SNX24: variants seen among roughly 807,000 people sequenced by gnomAD.
The protein encoded by SNX24 is sorting nexin-24.
In SNX24, 22 loss-of-function variants were observed where a neutral mutation model predicts 28.7. That is an observed-to-expected ratio of 0.77 (90% CI 0.55 to 1.10). The LOEUF (loss-of-function observed/expected upper bound fraction) is 1.10, where lower values mean the gene tolerates loss of function less well. Ranked by LOEUF, SNX24 falls within the 50% of genes least tolerant of loss-of-function variation. The pLI, the probability that SNX24 is intolerant of heterozygous loss-of-function variation, is 0.00. For missense variants in SNX24, 221 were observed against 201.1 expected (o/e 1.10, Z -0.60); for synonymous variants, 69 against 71.5 (o/e 0.96, Z 0.18).
At chr5:122,972,110 A>G (rs1182337193) in intron 3 of SNX24, among the ~76,000 whole-genome samples, 1 of 152,186 alleles carries the variant, frequency 6.6e-6, no homozygotes, top group Non-Finnish European at 1.5e-5. Flanking sequence ...ACCCCAACCA[A>G]CACTGTAACT....
chr5:122,999,989 A>G lies in SNX24; in HGVS notation c.327A>G (p.Pro109=). 6.2e-7 allele frequency: 1 copy of G among 1,607,068 alleles called. No homozygotes were observed. Among genetic ancestry groups the G allele is most frequent in the East Asian group, 2.2e-5 (1 of 44,856 alleles). The part of the protein sequence containing the change: ...FLNVRHLPSL[P]KAESCGSFDE... ...ATGTGCGACACTTGCCCTCTCTACC[A>G]AAGGCAGAAAGTTGTGGGTAAGAAT... The change falls in exon 4 of 7, where the codon CCA becomes CCG. Residue 109 remains proline (P), a synonymous_variant. Coordinates refer to ENST00000261369, the MANE Select transcript of SNX24 (RefSeq NM_014035.4).
At chr5:122,849,131 T>TA (rs1213763793) in intron 1 of SNX24, among the ~76,000 whole-genome samples, 1 of 152,244 alleles carries the variant, frequency 6.6e-6, no homozygotes, top group African/African-American at 2.4e-5. Context: ...CTAGAAGTGG[T>TA]ATTTCCAGCC....
intron 1 of SNX24, among the ~76,000 whole-genome samples, chr5:122,873,857 C>T (rs1450728961): frequency 1.3e-5 from 2 of 151,690 alleles, no homozygotes; most frequent in Non-Finnish European, 2.9e-5. Context: ...CTTCCACCTC[C>T]CAAGTTCAAG....
At chr5:122,900,267 G>T (rs1040473642) in intron 1 of SNX24, among the ~76,000 whole-genome samples, 2 of 151,900 alleles carry the variant, frequency 1.3e-5, no homozygotes, top group Admixed American at 6.6e-5. Context: ...AGTGTGAAAT[G>T]ATTACCACAA....
chr5:123,017,755 C>G (rs562442910), intron 5 of SNX24, among the ~76,000 whole-genome samples: 1 of 152,028 alleles, frequency 6.6e-6, no homozygotes, highest in African/African-American at 2.4e-5. Context: ...GGAGAGTTTC[C>G]CTGCATCAGC....
At chr5:123,027,519 A>G (rs1009222699) in intron 5 of SNX24, among the ~76,000 whole-genome samples, 16 of 152,190 alleles carry the variant, frequency 1.1e-4, no homozygotes, top group African/African-American at 2.7e-4. Context: ...GGGTTTTCCA[A>G]TGAGATCCAC....
chr5:122,890,231 A>T (rs1367011843), intron 1 of SNX24, among the ~76,000 whole-genome samples: 1 of 152,112 alleles, frequency 6.6e-6, no homozygotes, highest in Non-Finnish European at 1.5e-5. Flanking sequence ...ACCACTGGTT[A>T]GGTTTTGATG....
intron 1 of SNX24, among the ~76,000 whole-genome samples, chr5:122,848,746 A>C (rs1201122087): frequency 1.3e-5 from 2 of 152,046 alleles, no homozygotes; most frequent in Non-Finnish European, 2.9e-5. Context: ...AACACATTAC[A>C]TCACATTCTA....
chr5:122,936,588 G>A (rs1030495315), intron 1 of SNX24, 146 bp from the exon 2 acceptor site: 3 of 461,208 alleles, frequency 6.5e-6, no homozygotes, highest in Admixed American at 7.9e-5. Context: ...CAGTGCTGTT[G>A]GGCCAGGGTG....
chr5:122,979,379 G>A (rs1561687947), intron 3 of SNX24, among the ~76,000 whole-genome samples: 1 of 152,176 alleles, frequency 6.6e-6, no homozygotes, highest in Admixed American at 6.5e-5. Flanking sequence ...TGCTTCCATA[G>A]TTAAGGAGCA....
chr5:122,939,199 T>C (rs971208530), intron 2 of SNX24, among the ~76,000 whole-genome samples: 3 of 152,214 alleles, frequency 2.0e-5, no homozygotes, highest in Non-Finnish European at 4.4e-5. Context: ...TGTTAGAGTT[T>C]AACATAAAAT....
At chr5:122,914,334 C>G (rs1758064591) in intron 1 of SNX24, among the ~76,000 whole-genome samples, 1 of 152,210 alleles carries the variant, frequency 6.6e-6, no homozygotes, top group Non-Finnish European at 1.5e-5. Flanking sequence ...CAATGTTCAT[C>G]AAGGATATTG....
At position 123,007,786 on chromosome 5, in the gene SNX24, C is replaced by G; in HGVS notation, c.*37C>G. ...GGCTAAAAGAAGCAGAAGCAAGTTT[C>G]GAAGTCACAGTCAAGGAAATCAATA... On this transcript the variant is annotated 3_prime_UTR_variant, in exon 7 of 7. Coordinates refer to ENST00000261369, the MANE Select transcript of SNX24 (RefSeq NM_014035.4). 1 of 1,579,308 alleles carries G rather than the reference C, an allele frequency of 6.3e-7. No homozygotes were observed. Among genetic ancestry groups the G allele is most frequent in the Non-Finnish European group, 8.5e-7 (1 of 1,170,590 alleles).
In SNX24 at chr5:122,933,782, C is replaced by G. The variant is rs544177589; in HGVS notation, c.61-2952C>G. Among the ~76,000 whole-genome samples, 76 of 151,538 alleles carry G rather than the reference C, an allele frequency of 5.0e-4. 1 individual carries two copies. In the South Asian group the frequency reaches 0.016, roughly 31 times the overall value. ...GGAGTGAAAACAGTCCTTGTCCACC[C>G]ACAGCCAGTCTGAAATTCCAGAGGC... On this transcript the variant is annotated intron_variant, in intron 1 of 6. Transcript: ENST00000261369.
intron 1 of SNX24, among the ~76,000 whole-genome samples, chr5:122,932,965 A>G (rs1759025211): frequency 6.6e-6 from 1 of 151,850 alleles, no homozygotes; most frequent in Admixed American, 6.6e-5. Flanking sequence ...ATAACAGTGT[A>G]ACTTAGTACA....
intron 1 of SNX24, among the ~76,000 whole-genome samples, chr5:122,920,928 G>C (rs1758405431): frequency 6.6e-6 from 1 of 152,052 alleles, no homozygotes; most frequent in Non-Finnish European, 1.5e-5. Context: ...ATCTCACTAT[G>C]CTGCACAGGC....
intron 1 of SNX24, among the ~76,000 whole-genome samples, chr5:122,930,760 T>C (rs1436772280): frequency 6.6e-6 from 1 of 152,208 alleles, no homozygotes; most frequent in Non-Finnish European, 1.5e-5. Context: ...TTTGCTATCA[T>C]GAATTTTCTT....
chr5:123,005,502 A>G (rs1034663399), intron 6 of SNX24, among the ~76,000 whole-genome samples: 2 of 152,128 alleles, frequency 1.3e-5, no homozygotes, highest in Admixed American at 1.3e-4. Flanking sequence ...TTAACATGTT[A>G]CCAGCGCAGT....
Position 122,888,102 on chromosome 5 carries a change from G to A in SNX24, c.60+42409G>A, listed in dbSNP as rs146718727. 8.3e-3 allele frequency among the ~76,000 whole-genome samples: 1,267 copies of A among 152,276 alleles called. 17 individuals carry two copies. The highest frequency in any genetic ancestry group is 0.029 in the African/African-American group (1,201 of 41,542). On this transcript the variant is annotated intron_variant, in intron 1 of 6. Transcript: ENST00000261369. ...TTTGATTTATCCTATTCTAATGGGT[G>A]TTTTTCCTTTCCTTATCCTTTTGAG... is the stretch of plus-strand genomic sequence containing the variant.
Sources: gnomAD v4.1 joint callset for allele counts (sites outside exome capture counted in the v4.1 genomes callset) on GRCh38, gnomAD v4.1.1 for gene constraint, MANE v1.5 for transcripts, NCBI Gene and HGNC (gene_info 2026-07-23, HGNC 2026-07-21) for gene names.